The following NKD1 variants were observed in gnomAD, a reference collection of about 807,000 sequenced individuals.
NKD1 encodes the protein NKD inhibitor of Wnt signaling pathway 1.
NKD1 carries 21 observed loss-of-function variants against 56.0 expected under a neutral mutation model. The ratio of observed to expected loss-of-function variants is 0.38; its 90% CI spans 0.27 to 0.54. The LOEUF is 0.54. NKD1 is among the 20% of genes least tolerant of loss of function. NKD1 has a pLI of 0.82. For missense variants in NKD1, 578 were observed against 642.7 expected, an observed-to-expected ratio of 0.90 and a Z score of 1.09; for synonymous variants, 263 against 265.7, an observed-to-expected ratio of 0.99 and a Z score of 0.10.
In NKD1 at chr16:50,648,449, G is replaced by A. The variant is rs1962720390; in HGVS notation, c.*14668G>A. ...GGGTTCTGGGGTCAGATGGATAATT[G>A]CCATCATCCTCACCAAGTTGCCACT... On this transcript the variant is annotated 3_prime_UTR_variant, in exon 10 of 10. Transcript: ENST00000268459. 2 of 152,500 alleles carry A rather than the reference G, an allele frequency of 1.3e-5. No homozygotes were observed. The highest frequency in any genetic ancestry group is 4.1e-4 in the South Asian group (2 of 4,824). 9.4% of individuals were successfully genotyped at this position (152,500 alleles called of 1,614,324 possible).
At chr16:50,602,596 A>G (rs190286758) in intron 3 of NKD1, among the ~76,000 whole-genome samples, 1 of 152,142 alleles carries the variant, frequency 6.6e-6, no homozygotes, top group African/African-American at 2.4e-5. Context: ...GACCCCCCCC[A>G]CACCCTCTGC....
chr16:50,590,439 G>A (rs1401315780), intron 3 of NKD1, among the ~76,000 whole-genome samples: 1 of 152,152 alleles, frequency 6.6e-6, no homozygotes, highest in African/African-American at 2.4e-5. Flanking sequence ...TTCTTGAGAT[G>A]GTCATCCTTC....
chr16:50,575,038 A>C, intron 3 of NKD1: 2 of 985,090 alleles, frequency 2.0e-6, no homozygotes, highest in South Asian at 4.7e-5. Context: ...GTAACTTCTG[A>C]ACCCAGCTGT....
intron 3 of NKD1, chr16:50,571,062 G>C (rs559781851): frequency 1.1e-6 from 1 of 936,530 alleles, no homozygotes; most frequent in Non-Finnish European, 1.3e-6. Context: ...TCCTCCCTGG[G>C]GCTGCCTTTG....
At chr16:50,612,683 A>AG (rs1266266677) in intron 4 of NKD1, among the ~76,000 whole-genome samples, 1 of 152,172 alleles carries the variant, frequency 6.6e-6, no homozygotes, top group Non-Finnish European at 1.5e-5. Flanking sequence ...GGAAGAATGT[A>AG]GGGGGAGAGC....
At chr16:50,562,341 AG>A in intron 3 of NKD1, 1 of 897,240 alleles carries the variant, frequency 1.1e-6, no homozygotes, top group Non-Finnish European at 1.3e-6. Context: ...AAGATCTGGA[AG>A]GGTACACTGT....
chr16:50,611,653 T>C (rs964225990), intron 4 of NKD1, among the ~76,000 whole-genome samples: 3 of 152,178 alleles, frequency 2.0e-5, no homozygotes, highest in Admixed American at 6.5e-5. Flanking sequence ...CCTGTTCAGC[T>C]CTGCAATGGT....
At chr16:50,565,688 C>G (rs1960744178) in intron 3 of NKD1, among the ~76,000 whole-genome samples, 1 of 152,200 alleles carries the variant, frequency 6.6e-6, no homozygotes, top group Non-Finnish European at 1.5e-5. Flanking sequence ...GACCATGTCT[C>G]TCAGCAACTA....
chr16:50,556,626 G>T (rs769450912), intron 3 of NKD1: 1 of 152,222 alleles, frequency 6.6e-6, no homozygotes, highest in Non-Finnish European at 1.5e-5. Context: ...TCAGCCAAAG[G>T]CTCCCTGCCT....
chr16:50,625,111 G>A, intron 5 of NKD1: 1 of 304,888 alleles, frequency 3.3e-6, no homozygotes, highest in Non-Finnish European at 6.3e-6. Context: ...TCCTACCCTG[G>A]CATCCTCCTG....
rs897666444 is a variant in NKD1 at position 50,548,790 on chromosome 16, G to C, written c.58+41G>C. On this transcript the variant is annotated intron_variant, in intron 2 of 9. Transcript: ENST00000268459. The stretch of plus-strand genomic sequence containing the variant: ...GCGCAGACCTCGGGGATGGACGCGG[G>C]GGACACCGCGGCCGCGGCAGAACGG... 8.1e-6 allele frequency: 11 copies of C among 1,356,758 alleles called. No individual in the cohort carries two copies. In the East Asian group the frequency reaches 2.5e-4, roughly 30 times the overall value. 84.0% of individuals were successfully genotyped at this position (1,356,758 alleles called of 1,614,324 possible).
In NKD1 at chr16:50,623,634, A is replaced by G. The variant is rs1962141716; in HGVS notation, c.367-1851A>G. Among the ~76,000 whole-genome samples, 1 of 151,974 alleles carries G rather than the reference A, an allele frequency of 6.6e-6. No individual in the cohort carries two copies. The highest frequency in any genetic ancestry group is 1.5e-5 in the Non-Finnish European group (1 of 67,990). The stretch of plus-strand genomic sequence containing the variant: ...AGGTGGGGTGTGGGAGAGGCCTAGG[A>G]GACCCGCATGTGACAGGTGGGACAA... On this transcript the variant is annotated intron_variant, in intron 5 of 9. Transcript: ENST00000268459. This position sits in a 1 kb window ranked among gnomAD's most constrained non-coding sequence, Gnocchi z 4.1.
intron 3 of NKD1, among the ~76,000 whole-genome samples, chr16:50,587,852 C>T (rs1460366440): frequency 5.3e-5 from 8 of 152,196 alleles, no homozygotes; most frequent in South Asian, 2.1e-4. Flanking sequence ...CAAACCCTAT[C>T]GTGAACTGTG....
At chr16:50,601,131 C>A (rs1458648487) in intron 3 of NKD1, among the ~76,000 whole-genome samples, 1 of 152,236 alleles carries the variant, frequency 6.6e-6, no homozygotes, top group East Asian at 1.9e-4. Flanking sequence ...CTCGCCTCAG[C>A]CTCCGCAGCT....
chr16:50,571,648 C>T (rs567636043), intron 3 of NKD1: 2 of 423,200 alleles, frequency 4.7e-6, no homozygotes, highest in South Asian at 2.0e-4. Flanking sequence ...CAGATGGACA[C>T]CTTTCGTCAA....
At chr16:50,625,629 A>G in intron 6 of NKD1, 49 bp downstream of exon 6, 1 of 1,216,310 alleles carries the variant, frequency 8.2e-7, no homozygotes, top group Non-Finnish European at 1.2e-6. Flanking sequence ...CCGCAGGCAC[A>G]GGGCCTGGGC....
rs1412720379 is a variant in NKD1 at position 50,551,075 on chromosome 16, A to G, written c.192+1520A>G. 2.0e-5 allele frequency among the ~76,000 whole-genome samples: 3 copies of G among 152,170 alleles called. No individual in the cohort carries two copies. In the East Asian group the frequency reaches 5.8e-4, roughly 29 times the overall value. On this transcript the variant is annotated intron_variant, in intron 3 of 9. Coordinates refer to ENST00000268459, the MANE Select transcript of NKD1 (RefSeq NM_033119.5). ...TATCTTCAAAGCCATAACAAATGTT[A>G]CCCGCATGTTTTTGGTGGGTCTCCT... is the stretch of plus-strand genomic sequence containing the variant.
intron 4 of NKD1, among the ~76,000 whole-genome samples, chr16:50,613,918 GA>G (rs1286823023): frequency 5.3e-5 from 8 of 151,952 alleles, no homozygotes; most frequent in Non-Finnish European, 1.2e-4. Context: ...CTCTGATGAG[GA>G]AAAAAAGGCC....
chr16:50,639,367 C>T lies in NKD1; in HGVS notation c.*5586C>T, dbSNP rs910284746. 1 of 152,230 alleles carries T rather than the reference C, an allele frequency of 6.6e-6. No homozygotes were observed. Among genetic ancestry groups the T allele is most frequent in the Non-Finnish European group, 1.5e-5 (1 of 68,072 alleles). 9.4% of individuals were successfully genotyped at this position (152,230 alleles called of 1,614,324 possible). A position where few individuals can be genotyped will look rare whatever the true frequency, so the allele number is the denominator to read the frequency against. On this transcript the variant is annotated 3_prime_UTR_variant, in exon 10 of 10. Transcript: ENST00000268459. ...TGGGTCAGGGGTGAAGTGCAGGGAT[C>T]AGTGTTTTTCACAAGCTCCATACCT...
Sources: allele counts gnomAD v4.1 joint callset (sites outside exome capture counted in the v4.1 genomes callset), GRCh38; gene constraint gnomAD v4.1.1; non-coding constraint Gnocchi (gnomAD v3.1); transcripts MANE v1.5; gene names NCBI Gene and HGNC (gene_info 2026-07-23, HGNC 2026-07-21).